The following ZMIZ2 variants were observed in gnomAD, a reference collection of about 807,000 sequenced individuals.
ZMIZ2 encodes zinc finger MIZ domain-containing protein 2.
Under a neutral mutation model 93.9 loss-of-function variants are expected in ZMIZ2, and 26 were observed. The observed-to-expected ratio is 0.28, with a 90% confidence interval of 0.20 to 0.38. The LOEUF is 0.38. Among genes scored for constraint, ZMIZ2 ranks in the 10% least tolerant of loss-of-function variants. ZMIZ2 has a pLI of 1.00. For missense variants in ZMIZ2, 1,023 were observed against 1,235.0 expected (o/e 0.83, Z 2.57); for synonymous variants, 485 against 516.4 (o/e 0.94, Z 0.82).
Position 44,763,072 on chromosome 7 carries a change from C to A in ZMIZ2, c.1702+86C>A. 6.8e-7 allele frequency: 1 copy of A among 1,471,260 alleles called. No individual in the cohort carries two copies. The highest frequency in any genetic ancestry group is 9.3e-7 in the Non-Finnish European group (1 of 1,073,058). The allele number at this position is 1,471,260 out of a possible 1,614,324, so 91.1% of individuals were successfully genotyped here. A position where few individuals can be genotyped will look rare whatever the true frequency, so the allele number is the denominator to read the frequency against. ...CAACAATCCTCCTTGTGGGCACCTC[C>A]TCGTGTCACACCAGGCCTTCTCCTT... On this transcript the variant is annotated intron_variant, in intron 12 of 18. Coordinates refer to ENST00000309315, the MANE Select transcript of ZMIZ2 (RefSeq NM_031449.4). This position sits in a 1 kb window ranked among gnomAD's most constrained non-coding sequence, Gnocchi z 5.6.
chr7:44,767,363 T>C (rs1791819153), intron 18 of ZMIZ2, among the ~76,000 whole-genome samples, 153 bp from the exon 19 acceptor site: 1 of 152,122 alleles, frequency 6.6e-6, no homozygotes, highest in Non-Finnish European at 1.5e-5. Flanking sequence ...TGCAGGCCTA[T>C]GGTGGGGCCC....
At chr7:44,751,899 T>C (rs1268281714) in intron 1 of ZMIZ2, among the ~76,000 whole-genome samples, 1 of 150,940 alleles carries the variant, frequency 6.6e-6, no homozygotes, top group African/African-American at 2.4e-5. Flanking sequence ...GAGGTGGAGG[T>C]TGCAGTGAGC....
intron 6 of ZMIZ2, 36 bp downstream of exon 6, chr7:44,758,144 T>C: frequency 6.7e-7 from 1 of 1,500,860 alleles, no homozygotes; most frequent in Non-Finnish European, 8.9e-7. Flanking sequence ...GGGCCTTGGG[T>C]ACCAACTCCC....
chr7:44,762,065 C>A, intron 11 of ZMIZ2, 160 bp downstream of exon 11: 1 of 975,866 alleles, frequency 1.0e-6, no homozygotes, highest in Non-Finnish European at 1.4e-6. Flanking sequence ...CCTGCAGCAC[C>A]ATCAGATCAT....
chr7:44,760,060 A>AC, intron 7 of ZMIZ2, 91 bp from the exon 8 acceptor site: 1 of 1,288,324 alleles, frequency 7.8e-7, no homozygotes. Flanking sequence ...TGTAAAGAAG[A>AC]CCGTGTATGG....
chr7:44,765,644 C>G lies in ZMIZ2; in HGVS notation c.2242+65C>G. The G allele has an allele frequency of 1.3e-6, 2 of 1,550,056 alleles. No homozygotes were observed. The highest frequency in any genetic ancestry group is 1.7e-6 in the Non-Finnish European group (2 of 1,149,562). ...GGGCATATGGCTCCTCTCCCCAGATCAGTCTCCTCACCTGCAAGAATGTGG... is the reference window on the plus strand; with the variant it reads ...GGGCATATGGCTCCTCTCCCCAGATGAGTCTCCTCACCTGCAAGAATGTGG... On this transcript the variant is annotated intron_variant, in intron 16 of 18. Transcript: ENST00000309315. This position sits in a 1 kb window ranked among gnomAD's most constrained non-coding sequence, Gnocchi z 4.1.
Position 44,763,641 on chromosome 7 carries a change from T to C in ZMIZ2, c.1860+228T>C. ...TTTTACTAACTTTTTTACTGCCTGCTTCATTCATGGGTTCAAGTTTTGAAA... is the reference window on the plus strand; with the variant it reads ...TTTTACTAACTTTTTTACTGCCTGCCTCATTCATGGGTTCAAGTTTTGAAA... On this transcript the variant is annotated intron_variant, in intron 13 of 18. Transcript: ENST00000309315. The surrounding 1 kb of genome is among the most constrained non-coding windows in gnomAD (Gnocchi z 5.6). 1.7e-6 allele frequency: 1 copy of C among 582,398 alleles called. No individual in the cohort carries two copies. The highest frequency in any genetic ancestry group is 2.9e-6 in the Non-Finnish European group (1 of 341,048). 36.1% of individuals were successfully genotyped at this position (582,398 alleles called of 1,614,324 possible). A position where few individuals can be genotyped will look rare whatever the true frequency, so the allele number is the denominator to read the frequency against.
intron 6 of ZMIZ2, among the ~76,000 whole-genome samples, chr7:44,759,030 C>G (rs1020535386): frequency 7.1e-6 from 1 of 140,954 alleles, no homozygotes; most frequent in African/African-American, 2.7e-5. Context: ...TGCAGTGAGC[C>G]AAGATTGCAC....
chr7:44,762,664 C>T (rs570676084), intron 11 of ZMIZ2, among the ~76,000 whole-genome samples: 3 of 152,190 alleles, frequency 2.0e-5, no homozygotes, highest in East Asian at 1.9e-4. Flanking sequence ...TGGATACAAG[C>T]GTGGGCAGGG....
chr7:44,759,940 T>C lies in ZMIZ2; in HGVS notation c.994-211T>C, dbSNP rs1791000774. ...CTTGGGGGAGGAGAGGAGGAGGGCT[T>C]AGCGTGCTTTTGTCTTTTCAGCCCC... On this transcript the variant is annotated intron_variant, in intron 7 of 18. Transcript: ENST00000309315. The C allele has an allele frequency of 1.3e-5, 8 of 599,080 alleles. No homozygotes were observed. The South Asian group carries it at 1.6e-4, about 12-fold the overall frequency. The allele number at this position is 599,080 out of a possible 1,614,324, so 37.1% of individuals were successfully genotyped here.
intron 5 of ZMIZ2, 42 bp downstream of exon 5, chr7:44,757,603 G>A: frequency 6.5e-7 from 1 of 1,543,640 alleles, no homozygotes; most frequent in Non-Finnish European, 8.7e-7. Context: ...CAGCCAGCCT[G>A]AGGGCCTGGG....
Position 44,764,416 on chromosome 7 carries a change from C to T in ZMIZ2, c.1861-3C>T. ...AACTGACTTTCTTCCCATCTCTCTA[C>T]AGTGCTTTGACCTGGAGTCGTACCT... On this transcript the variant is annotated splice_region_variant and splice_polypyrimidine_tract_variant and intron_variant, in intron 13 of 18. Transcript: ENST00000309315. The T allele has an allele frequency of 6.2e-7, 1 of 1,614,192 alleles. No homozygotes were observed. Among genetic ancestry groups the T allele is most frequent in the Non-Finnish European group, 8.5e-7 (1 of 1,180,010 alleles).
intron 18 of ZMIZ2, among the ~76,000 whole-genome samples, 164 bp from the exon 19 acceptor site, chr7:44,767,352 A>T (rs963904578): frequency 1.3e-5 from 2 of 152,152 alleles, no homozygotes; most frequent in Non-Finnish European, 2.9e-5. Context: ...CTTTGAGCAC[A>T]TGCAGGCCTA....
intron 1 of ZMIZ2, 146 bp from the exon 2 acceptor site, chr7:44,756,042 C>T: frequency 3.1e-6 from 2 of 653,766 alleles, no homozygotes; most frequent in Non-Finnish European, 2.7e-6. Flanking sequence ...CAGTACTAGG[C>T]CCCTCCACTG....
Position 44,765,636 on chromosome 7 carries a change from C to A in ZMIZ2, c.2242+57C>A. The A allele has an allele frequency of 1.3e-6, 2 of 1,558,268 alleles. No homozygotes were observed. Among genetic ancestry groups the A allele is most frequent in the South Asian group, 1.2e-5 (1 of 86,106 alleles). On this transcript the variant is annotated intron_variant, in intron 16 of 18. Coordinates refer to ENST00000309315, the MANE Select transcript of ZMIZ2 (RefSeq NM_031449.4). The surrounding 1 kb of genome is among the most constrained non-coding windows in gnomAD (Gnocchi z 4.1). ...ATGACCCTGGGCATATGGCTCCTCT[C>A]CCCAGATCAGTCTCCTCACCTGCAA...
rs1791485274 is a variant in ZMIZ2 at position 44,764,351 on chromosome 7, G to A, written c.1861-68G>A. ...AGTCACACATTCCTGAAAAGGGATT[G>A]CAGAGTGACCAGATTTTCCCTGTGC... On this transcript the variant is annotated intron_variant, in intron 13 of 18. Coordinates refer to ENST00000309315, the MANE Select transcript of ZMIZ2 (RefSeq NM_031449.4). The A allele has an allele frequency of 4.7e-6, 7 of 1,476,164 alleles. No homozygotes were observed. The South Asian group carries it at 8.1e-5, about 17-fold the overall frequency. The allele number at this position is 1,476,164 out of a possible 1,614,324, so 91.4% of individuals were successfully genotyped here.
In ZMIZ2 at chr7:44,757,406, C is replaced by G; in HGVS notation, c.397C>G (p.Leu133Val). The change falls in exon 5 of 19, where the codon CTC becomes GTC. Residue 133 changes from leucine (L) to valine (V), a missense_variant. Physicochemically the swap from Leu to Val is conservative, Grantham distance 32. Coordinates refer to ENST00000309315, the MANE Select transcript of ZMIZ2 (RefSeq NM_031449.4). ...TGCAGGCGGCCCGGGGGGCCTGGGC[C>G]TCCCCTCACATGCTGCAAGACCCTC... ...GYAGGPGGLG[L>V]PSHAARPSTD... 1 of 1,603,060 alleles carries G rather than the reference C, an allele frequency of 6.2e-7. No individual in the cohort carries two copies. Among genetic ancestry groups the G allele is most frequent in the South Asian group, 1.1e-5 (1 of 91,058 alleles).
rs953303825 is a variant in ZMIZ2 at position 44,769,671 on chromosome 7, C to T, written c.*2048C>T. 2 of 152,540 alleles carry T rather than the reference C, an allele frequency of 1.3e-5. No individual in the cohort carries two copies. Among genetic ancestry groups the T allele is most frequent in the African/African-American group, 4.8e-5 (2 of 41,424 alleles). The allele number at this position is 152,540 out of a possible 1,614,324, so 9.4% of individuals were successfully genotyped here. A position where few individuals can be genotyped will look rare whatever the true frequency, so the allele number is the denominator to read the frequency against. On this transcript the variant is annotated 3_prime_UTR_variant, in exon 19 of 19. Coordinates refer to ENST00000309315, the MANE Select transcript of ZMIZ2 (RefSeq NM_031449.4). ...CTGCCTGTTGCAAACGTGATGCTCCCGGATGGAGTGGAGAAACTAGGAGAC... is the reference window on the plus strand; with the variant it reads ...CTGCCTGTTGCAAACGTGATGCTCCTGGATGGAGTGGAGAAACTAGGAGAC...
chr7:44,763,062 T>G lies in ZMIZ2; in HGVS notation c.1702+76T>G. Reference sequence around the variant, plus strand: ...GGCCCAAGCCCAACAATCCTCCTTGTGGGCACCTCCTCGTGTCACACCAGG... The same window carrying G: ...GGCCCAAGCCCAACAATCCTCCTTGGGGGCACCTCCTCGTGTCACACCAGG... On this transcript the variant is annotated intron_variant, in intron 12 of 18. Coordinates refer to ENST00000309315, the MANE Select transcript of ZMIZ2 (RefSeq NM_031449.4). This position sits in a 1 kb window ranked among gnomAD's most constrained non-coding sequence, Gnocchi z 5.6. 1 of 1,497,274 alleles carries G rather than the reference T, an allele frequency of 6.7e-7. No individual in the cohort carries two copies. The highest frequency in any genetic ancestry group is 1.8e-5 in the Admixed American group (1 of 54,662). The allele number at this position is 1,497,274 out of a possible 1,614,324, so 92.7% of individuals were successfully genotyped here.
Sources: allele counts gnomAD v4.1 joint callset (sites outside exome capture counted in the v4.1 genomes callset), GRCh38; gene constraint gnomAD v4.1.1; non-coding constraint Gnocchi (gnomAD v3.1); transcripts MANE v1.5; gene names NCBI Gene and HGNC (gene_info 2026-07-23, HGNC 2026-07-21).